The following KIF13A variants were observed in gnomAD, a reference collection of about 807,000 sequenced individuals.
The protein encoded by KIF13A is kinesin-like protein KIF13A.
A neutral mutation model predicts 212.2 loss-of-function variants in KIF13A; 79 were observed. That is an observed-to-expected ratio of 0.37 (90% CI 0.31 to 0.45). The LOEUF (loss-of-function observed/expected upper bound fraction) is 0.45. KIF13A is among the 20% of genes least tolerant of loss of function. The probability of loss-of-function intolerance (pLI) is 1.00; values close to 1 mark genes in which losing one functional copy is unlikely to be tolerated. For synonymous variants in KIF13A, 789 were observed against 808.6 expected, an observed-to-expected ratio of 0.98 and a Z score of 0.41; for missense variants, 1,901 against 2,209.0, an observed-to-expected ratio of 0.86 and a Z score of 2.79.
In KIF13A at chr6:17,839,562, T is replaced by C. The variant is rs892500329; in HGVS notation, c.831-1979A>G. ...GAAAGAAGCCAAACACAAAAGGCCA[T>C]TGTCCTGGGTTGAACAGTATTCATG... On this transcript the variant is annotated intron_variant, in intron 9 of 38. Transcript: ENST00000259711. The surrounding 1 kb of genome is among the most constrained non-coding windows in gnomAD (Gnocchi z 4.3). Among the ~76,000 whole-genome samples the C allele has an allele frequency of 2.0e-5, 3 of 152,180 alleles. No homozygotes were observed. The highest frequency in any genetic ancestry group is 2.9e-5 in the Non-Finnish European group (2 of 68,022).
chr6:17,974,620 A>T (rs1780119360), intron 2 of KIF13A, among the ~76,000 whole-genome samples: 2 of 151,900 alleles, frequency 1.3e-5, no homozygotes, highest in Middle Eastern at 6.8e-3. Flanking sequence ...GTTTTAGAGT[A>T]GTTAAGCAAC....
chr6:17,935,018 C>G (rs147500518), intron 2 of KIF13A, among the ~76,000 whole-genome samples: 1 of 152,284 alleles, frequency 6.6e-6, no homozygotes, highest in African/African-American at 2.4e-5. Flanking sequence ...ACGCTAAGGG[C>G]AACAGCAACT....
Position 17,964,153 on chromosome 6 carries a change from A to G in KIF13A, c.146+22901T>C, listed in dbSNP as rs566321997. ...CACCCACACACACCCACACCTCTCAATAAGGTTAATTTTAAAGTATATTAG... is the reference window on the plus strand; with the variant it reads ...CACCCACACACACCCACACCTCTCAGTAAGGTTAATTTTAAAGTATATTAG... On this transcript the variant is annotated intron_variant, in intron 2 of 38. Transcript: ENST00000259711. Among the ~76,000 whole-genome samples, 5 of 152,244 alleles carry G rather than the reference A, an allele frequency of 3.3e-5. No individual in the cohort carries two copies. In the East Asian group the frequency reaches 9.7e-4, roughly 29 times the overall value.
rs1779442721 is a variant in KIF13A, at chr6:17,967,644, T to C, written c.146+19410A>G. Among the ~76,000 whole-genome samples, 1 of 152,174 alleles carries C rather than the reference T, an allele frequency of 6.6e-6. No homozygotes were observed. Among genetic ancestry groups the C allele is most frequent in the Non-Finnish European group, 1.5e-5 (1 of 68,026 alleles). On this transcript the variant is annotated intron_variant, in intron 2 of 38. Transcript: ENST00000259711. The surrounding 1 kb of genome is among the most constrained non-coding windows in gnomAD (Gnocchi z 4.1). ...CACAGACTGCTATCAGCAACAACTT[T>C]GTATAAGCTGCTCCCCATCTTTTAC...
rs940026569 is a variant in KIF13A, at chr6:17,843,834, C to T, written c.830+5543G>A. 1.3e-5 allele frequency among the ~76,000 whole-genome samples: 2 copies of T among 152,088 alleles called. No individual in the cohort carries two copies. The highest frequency in any genetic ancestry group is 4.8e-5 in the African/African-American group (2 of 41,410). On this transcript the variant is annotated intron_variant, in intron 9 of 38. Coordinates refer to ENST00000259711, the MANE Select transcript of KIF13A (RefSeq NM_022113.6). This position sits in a 1 kb window ranked among gnomAD's most constrained non-coding sequence, Gnocchi z 5.3. ...CCGAGGGGGGCACATCACCTGAGGTCAGGAGTTTGAGACCAGCCTGGCCAA... is the reference window on the plus strand; with the variant it reads ...CCGAGGGGGGCACATCACCTGAGGTTAGGAGTTTGAGACCAGCCTGGCCAA...
chr6:17,925,655 T>C (rs979449499), intron 2 of KIF13A, among the ~76,000 whole-genome samples: 5 of 152,320 alleles, frequency 3.3e-5, no homozygotes, highest in Admixed American at 3.3e-4. Context: ...CAGGAGCTGA[T>C]AATCAACAGT....
chr6:17,823,233 G>A (rs1459665886), intron 16 of KIF13A, among the ~76,000 whole-genome samples: 3 of 151,694 alleles, frequency 2.0e-5, no homozygotes, highest in South Asian at 2.1e-4. Context: ...TAGTAAAGAC[G>A]GGGTTTCACC....
chr6:17,940,146 C>T (rs1189212351), intron 2 of KIF13A, among the ~76,000 whole-genome samples: 1 of 151,570 alleles, frequency 6.6e-6, no homozygotes, highest in Non-Finnish European at 1.5e-5. Context: ...TCCTTCCTTC[C>T]TTCCTTCCTT....
At position 17,886,724 on chromosome 6, in the gene KIF13A, C is replaced by T. The variant is rs1442902009; in HGVS notation, c.159+11444G>A. Among the ~76,000 whole-genome samples the T allele has an allele frequency of 6.6e-6, 1 of 152,080 alleles. No individual in the cohort carries two copies. The highest frequency in any genetic ancestry group is 6.5e-5 in the Admixed American group (1 of 15,270). ...AGAAACACACAGCACTTCACTTGAA[C>T]CCGGGAGGTGGAGGTTGCAGTGAGT... On this transcript the variant is annotated intron_variant, in intron 3 of 38. Coordinates refer to ENST00000259711, the MANE Select transcript of KIF13A (RefSeq NM_022113.6). This position sits in a 1 kb window ranked among gnomAD's most constrained non-coding sequence, Gnocchi z 5.6.
intron 22 of KIF13A, among the ~76,000 whole-genome samples, chr6:17,797,384 A>T (rs1425102545): frequency 6.6e-6 from 1 of 152,176 alleles, no homozygotes; most frequent in Non-Finnish European, 1.5e-5. Context: ...GTCCAAAGTC[A>T]TACGGTTTGT....
chr6:17,936,679 A>G (rs1294836279), intron 2 of KIF13A, among the ~76,000 whole-genome samples: 1 of 152,230 alleles, frequency 6.6e-6, no homozygotes, highest in Non-Finnish European at 1.5e-5. Flanking sequence ...GTCATAGATG[A>G]GGTTCAGACA....
At chr6:17,903,348 G>C (rs1423314197) in intron 2 of KIF13A, among the ~76,000 whole-genome samples, 3 of 152,116 alleles carry the variant, frequency 2.0e-5, no homozygotes, top group Non-Finnish European at 4.4e-5. Context: ...CATATTTTGG[G>C]GGAAATGTAT....
At position 17,818,543 on chromosome 6, in the gene KIF13A, G is replaced by A. The variant is rs565014669; in HGVS notation, c.1787-1310C>T. On this transcript the variant is annotated intron_variant, in intron 16 of 38. Transcript: ENST00000259711. ...CACAAGAAAAGCTCAGTATAGATGA[G>A]TTGTTTTAATAAAAATGACAACCAC... Among the ~76,000 whole-genome samples, 4 of 152,290 alleles carry A rather than the reference G, an allele frequency of 2.6e-5. No individual in the cohort carries two copies. The South Asian group carries it at 6.2e-4, about 24-fold the overall frequency.
At chr6:17,860,353 TA>T (rs1484559705) in intron 4 of KIF13A, among the ~76,000 whole-genome samples, 1 of 151,962 alleles carries the variant, frequency 6.6e-6, no homozygotes, top group Admixed American at 6.6e-5. Flanking sequence ...CAAGTCCAGC[TA>T]CTTTTTGTAT....
At chr6:17,921,847 G>T (rs1361621624) in intron 2 of KIF13A, among the ~76,000 whole-genome samples, 1 of 152,106 alleles carries the variant, frequency 6.6e-6, no homozygotes, top group Non-Finnish European at 1.5e-5. Flanking sequence ...TAGAAGTTTT[G>T]TTTTTTGCTT....
chr6:17,791,281 C>T (rs921596643), intron 25 of KIF13A, among the ~76,000 whole-genome samples: 1 of 151,880 alleles, frequency 6.6e-6, no homozygotes, highest in Non-Finnish European at 1.5e-5. Flanking sequence ...GTTCTATTAA[C>T]TGAAAATTGG....
intron 19 of KIF13A, among the ~76,000 whole-genome samples, 163 bp from the exon 20 acceptor site, chr6:17,804,673 C>T (rs1432965779): frequency 6.6e-6 from 1 of 151,560 alleles, no homozygotes; most frequent in Non-Finnish European, 1.5e-5. Context: ...ATTAGCTGGG[C>T]GTGGTGGCGC....
chr6:17,903,121 C>T (rs981742980), intron 2 of KIF13A, among the ~76,000 whole-genome samples: 20 of 152,128 alleles, frequency 1.3e-4, no homozygotes, highest in African/African-American at 4.3e-4. Context: ...AGAAATTGAA[C>T]GGGATGTTAA....
At chr6:17,960,630 C>T (rs371943151) in intron 2 of KIF13A, among the ~76,000 whole-genome samples, 4 of 152,086 alleles carry the variant, frequency 2.6e-5, no homozygotes, top group Non-Finnish European at 4.4e-5. Flanking sequence ...GGGGATATAT[C>T]GAGAGCATCA....
Sources: gnomAD v4.1 joint callset for allele counts (sites outside exome capture counted in the v4.1 genomes callset) on GRCh38, gnomAD v4.1.1 for gene constraint, Gnocchi (gnomAD v3.1) non-coding constraint, MANE v1.5 for transcripts, NCBI Gene and HGNC (gene_info 2026-07-23, HGNC 2026-07-21) for gene names.